The following CABIN1 variants were observed in gnomAD, a reference collection of about 807,000 sequenced individuals.
CABIN1 encodes calcineurin binding protein 1.
CABIN1 carries 133 observed loss-of-function variants against 227.7 expected under a neutral mutation model. The ratio of observed to expected loss-of-function variants is 0.58; its 90% CI spans 0.51 to 0.67. The LOEUF is 0.67. Ranked by LOEUF, CABIN1 falls within the 30% of genes least tolerant of loss-of-function variation. The pLI, the probability that CABIN1 is intolerant of heterozygous loss-of-function variation, is 0.00. For synonymous variants in CABIN1, 1,086 were observed against 1,155.1 expected (o/e 0.94, Z 1.21); for missense variants, 2,408 against 2,852.5 (o/e 0.84, Z 3.55).
intron 26 of CABIN1, among the ~76,000 whole-genome samples, chr22:24,103,509 GC>G (rs1216490394): frequency 6.6e-6 from 1 of 152,164 alleles, no homozygotes; most frequent in Non-Finnish European, 1.5e-5. Context: ...GTCCTAAAGG[GC>G]AGGCCCACCC....
At chr22:24,094,446 G>A (rs1450196750) in intron 24 of CABIN1, among the ~76,000 whole-genome samples, 1 of 152,104 alleles carries the variant, frequency 6.6e-6, no homozygotes, top group Non-Finnish European at 1.5e-5. Flanking sequence ...AGTTAATTTG[G>A]GGGGCAACCC....
At chr22:24,142,946 C>T (rs1279064350) in intron 29 of CABIN1, among the ~76,000 whole-genome samples, 1 of 152,120 alleles carries the variant, frequency 6.6e-6, no homozygotes, top group Non-Finnish European at 1.5e-5. Flanking sequence ...TTTCATGCCA[C>T]CGCTGCTTGT....
At chr22:24,045,987 T>C (rs1315461300) in intron 6 of CABIN1, among the ~76,000 whole-genome samples, 2 of 152,230 alleles carry the variant, frequency 1.3e-5, no homozygotes, top group Non-Finnish European at 2.9e-5. Context: ...ATACAGAACA[T>C]GTGCAGCGCC....
At chr22:24,112,061 T>A (rs1482057459) in intron 26 of CABIN1, among the ~76,000 whole-genome samples, 1 of 152,262 alleles carries the variant, frequency 6.6e-6, no homozygotes, top group Non-Finnish European at 1.5e-5. Flanking sequence ...TTAGTTATTT[T>A]AAATTCCCTG....
intron 29 of CABIN1, among the ~76,000 whole-genome samples, chr22:24,144,899 T>A (rs1162446006): frequency 3.3e-5 from 5 of 152,190 alleles, no homozygotes; most frequent in Non-Finnish European, 7.3e-5. Context: ...TGGGAGTCAC[T>A]TTTGCACATG....
At chr22:24,168,419 C>A in intron 32 of CABIN1, 28 bp from the exon 33 acceptor site, 1 of 1,558,014 alleles carries the variant, frequency 6.4e-7, no homozygotes, top group East Asian at 2.4e-5. Context: ...GGCCTGCGCC[C>A]CCTGACTTCC....
chr22:24,155,994 G>A, intron 29 of CABIN1: 2 of 568,264 alleles, frequency 3.5e-6, no homozygotes, highest in Non-Finnish European at 6.2e-6. Context: ...CCCGCCGCGA[G>A]CGAGAGAGCG....
At chr22:24,163,086 T>G (rs556005277) in intron 29 of CABIN1, among the ~76,000 whole-genome samples, 34 of 152,340 alleles carry the variant, frequency 2.2e-4, no homozygotes, top group African/African-American at 7.9e-4. Context: ...CATTGATGTT[T>G]GCTGCCCTGG....
chr22:24,109,269 G>C (rs1176284622), intron 26 of CABIN1, among the ~76,000 whole-genome samples: 1 of 150,344 alleles, frequency 6.7e-6, no homozygotes, highest in Non-Finnish European at 1.5e-5. Context: ...TTCCAGGCTA[G>C]AGTGGAGTGC....
chr22:24,120,581 G>A (rs1349703867), intron 28 of CABIN1, among the ~76,000 whole-genome samples: 1 of 152,166 alleles, frequency 6.6e-6, no homozygotes, highest in Non-Finnish European at 1.5e-5. Flanking sequence ...CAGCACTTTG[G>A]GAGGCTGAGG....
intron 26 of CABIN1, among the ~76,000 whole-genome samples, chr22:24,112,699 G>A (rs1486535059): frequency 6.6e-6 from 1 of 152,126 alleles, no homozygotes; most frequent in Non-Finnish European, 1.5e-5. Flanking sequence ...CCGTCCTTCA[G>A]TGGTAGGAGA....
At chr22:24,168,647 G>A in intron 33 of CABIN1, 126 bp downstream of exon 33, 1 of 834,234 alleles carries the variant, frequency 1.2e-6, no homozygotes, top group South Asian at 1.4e-5. Flanking sequence ...GGGCTGAGGG[G>A]AGATGAGCAG....
chr22:24,095,860 G>T (rs2041860860), intron 24 of CABIN1, 71 bp from the exon 25 acceptor site: 4 of 1,572,388 alleles, frequency 2.5e-6, no homozygotes, highest in Non-Finnish European at 8.7e-7. Context: ...TTTCCAGTGT[G>T]GCTGACTGGC....
Position 24,041,152 on chromosome 22 carries a change from G to T in CABIN1, c.224G>T (p.Gly75Val). ...ASLLREAVSS[G>V]DEKEGLKHPG... ...TTTTGTTCACAGGCAGTTTCATCCGGTGATGAGAAAGAGGGGTTGAAACAC... is the reference window on the plus strand; with the variant it reads ...TTTTGTTCACAGGCAGTTTCATCCGTTGATGAGAAAGAGGGGTTGAAACAC... Residue 75 changes from glycine to valine, a missense_variant, in exon 5 of 37, where the codon GGT (glycine) becomes GTT (valine). Gly to Val is a moderately radical substitution (Grantham distance 109, BLOSUM62 -3). Around this residue, in one of 3 missense-constraint regions of CABIN1, gnomAD observed 1,045 missense variants for 1,168.4 expected, o/e 0.89. Coordinates refer to ENST00000263119, the MANE Select transcript of CABIN1 (RefSeq NM_012295.4). 6.2e-7 allele frequency: 1 copy of T among 1,614,216 alleles called. No homozygotes were observed. Among genetic ancestry groups the T allele is most frequent in the South Asian group, 1.1e-5 (1 of 91,090 alleles).
rs999160467 is a variant in CABIN1, at chr22:24,070,671, G to T, written c.2233-129G>T. 8.0e-6 allele frequency: 11 copies of T among 1,383,612 alleles called. No individual in the cohort carries two copies. The African/African-American group carries it at 1.3e-4, about 16-fold the overall frequency. 85.7% of individuals were successfully genotyped at this position (1,383,612 alleles called of 1,614,324 possible). On this transcript the variant is annotated intron_variant, in intron 16 of 36. Transcript: ENST00000263119. Reference sequence around the variant, plus strand: ...CTCCGGGCTGCATGGGGCCTATGTTGTGCTGGGGCTCGTTCTTCCCTTTCT... The same window carrying T: ...CTCCGGGCTGCATGGGGCCTATGTTTTGCTGGGGCTCGTTCTTCCCTTTCT...
At chr22:24,163,689 C>T (rs557815373) in intron 29 of CABIN1, among the ~76,000 whole-genome samples, 18 of 152,292 alleles carry the variant, frequency 1.2e-4, no homozygotes, top group African/African-American at 3.1e-4. Flanking sequence ...GCCTGGACCC[C>T]GAGTAGGTGT....
chr22:24,032,662 T>C (rs2036579169), intron 1 of CABIN1, among the ~76,000 whole-genome samples: 2 of 152,352 alleles, frequency 1.3e-5, no homozygotes, highest in South Asian at 4.1e-4. Context: ...TTTTCTGGCT[T>C]TATTTTGCTT....
intron 12 of CABIN1, 93 bp downstream of exon 12, chr22:24,060,234 G>C (rs1759909771): frequency 6.5e-6 from 8 of 1,234,546 alleles, no homozygotes; most frequent in South Asian, 5.1e-5. Flanking sequence ...GTTGTGTTTG[G>C]CTGCATCTAC....
chr22:24,080,765 G>GT (rs1251821825), intron 19 of CABIN1, among the ~76,000 whole-genome samples: 1 of 152,104 alleles, frequency 6.6e-6, no homozygotes, highest in Non-Finnish European at 1.5e-5. Flanking sequence ...AGGAGCACTA[G>GT]TTTTTTGAAT....
Sources: gnomAD v4.1 joint callset for allele counts (sites outside exome capture counted in the v4.1 genomes callset) on GRCh38, gnomAD v4.1.1 for gene constraint, gnomAD v4.1.1 regional missense constraint, MANE v1.5 for transcripts, NCBI Gene and HGNC (gene_info 2026-07-23, HGNC 2026-07-21) for gene names.